SLC25A24: variants seen among roughly 807,000 people sequenced by gnomAD.
The protein encoded by SLC25A24 is mitochondrial adenyl nucleotide antiporter SLC25A24.
Under a neutral mutation model 60.7 loss-of-function variants are expected in SLC25A24, and 49 were observed. The observed-to-expected ratio is 0.81, with a 90% CI of 0.64 to 1.02. The LOEUF is 1.02. SLC25A24 is among the 50% of genes least tolerant of loss of function. The pLI is 0.00. For missense variants in SLC25A24, 564 were observed against 586.3 expected (o/e 0.96, Z 0.39); for synonymous variants, 202 against 200.6 (o/e 1.01, Z -0.06).
chr1:108,161,034 G>T, intron 4 of SLC25A24, 148 bp downstream of exon 4: 1 of 521,626 alleles, frequency 1.9e-6, no homozygotes, highest in Non-Finnish European at 3.4e-6. Flanking sequence ...ATAAATCTAT[G>T]CCTAATAGAA....
At position 108,166,249 on chromosome 1, in the gene SLC25A24, G is replaced by C. The variant is rs1034959899; in HGVS notation, c.399-4956C>G. Among the ~76,000 whole-genome samples the C allele has an allele frequency of 4.3e-3, 658 of 151,966 alleles. 4 individuals are homozygous for C. Among genetic ancestry groups the C allele is most frequent in the African/African-American group, 0.015 (609 of 41,456 alleles). On this transcript the variant is annotated intron_variant, in intron 3 of 9. Transcript: ENST00000565488. ...ACATTTTTTCCTTCATTTCAACTTT[G>C]GTGAATCTGACAATTATGTGTCTTG...
chr1:108,185,959 A>T lies in SLC25A24; in HGVS notation c.184-5T>A, dbSNP rs199557050. 6.0e-6 allele frequency: 9 copies of T among 1,506,544 alleles called. No individual in the cohort carries two copies. In the South Asian group the frequency reaches 1.1e-4, roughly 19 times the overall value. 93.3% of individuals were successfully genotyped at this position (1,506,544 alleles called of 1,614,324 possible). On this transcript the variant is annotated splice_polypyrimidine_tract_variant and splice_region_variant and intron_variant, in intron 1 of 9. Coordinates refer to ENST00000565488, the MANE Select transcript of SLC25A24 (RefSeq NM_013386.5). ...ATCTCCAGTAGTAAAAATTTTCTAT[A>T]AAAAAAAATTAGAGAGAAGTTATTG...
At chr1:108,192,773 T>G in intron 1 of SLC25A24, 2 of 1,329,292 alleles carry the variant, frequency 1.5e-6, no homozygotes, top group Non-Finnish European at 1.9e-6. Context: ...CAATGCACCT[T>G]CATCGGTTAA....
At chr1:108,189,820 A>AC (rs1648282483) in intron 1 of SLC25A24, among the ~76,000 whole-genome samples, 2 of 150,710 alleles carry the variant, frequency 1.3e-5, no homozygotes, top group South Asian at 4.2e-4. Flanking sequence ...ATCTCAAAAA[A>AC]AAAAAAAAGA....
rs377128087 is a variant in SLC25A24, at chr1:108,190,100, T to C, written c.184-4146A>G. Among the ~76,000 whole-genome samples the C allele has an allele frequency of 2.2e-4, 33 of 152,078 alleles. 1 individual carries two copies. Among genetic ancestry groups the C allele is most frequent in the African/African-American group, 5.6e-4 (23 of 41,426 alleles). On this transcript the variant is annotated intron_variant, in intron 1 of 9. Transcript: ENST00000565488. ...AAATCTACTTGGCCCGAGTTTGCTA[T>C]AGCAAGGGAGTCAGACACCCTCACT...
chr1:108,159,056 A>G (rs1679982905), intron 4 of SLC25A24, among the ~76,000 whole-genome samples: 2 of 152,326 alleles, frequency 1.3e-5, no homozygotes, highest in South Asian at 2.1e-4. Context: ...AAACTCCTTC[A>G]GAGAGTTCCT....
At chr1:108,151,646 T>C (rs1264184571) in intron 6 of SLC25A24, among the ~76,000 whole-genome samples, 2 of 152,226 alleles carry the variant, frequency 1.3e-5, no homozygotes, top group Non-Finnish European at 2.9e-5. Context: ...AGAATTCTTC[T>C]CATTTATAAG....
In SLC25A24 at chr1:108,181,923, C is replaced by T. The variant is rs369291333; in HGVS notation, c.398+18G>A. 5 of 1,569,728 alleles carry T rather than the reference C, an allele frequency of 3.2e-6. No homozygotes were observed. The highest frequency in any genetic ancestry group is 1.4e-5 in the African/African-American group (1 of 73,750). On this transcript the variant is annotated intron_variant, in intron 3 of 9. Coordinates refer to ENST00000565488, the MANE Select transcript of SLC25A24 (RefSeq NM_013386.5). ...TATTAAAGTGAAAGTCAATTGTTGA[C>T]CAACATGAAGAGCTTACCTTTGAAG... is the stretch of plus-strand genomic sequence containing the variant.
intron 6 of SLC25A24, among the ~76,000 whole-genome samples, chr1:108,150,425 G>T (rs1679725214): frequency 2.6e-5 from 4 of 152,134 alleles, no homozygotes; most frequent in Admixed American, 2.6e-4. Context: ...CCTTCCTAAA[G>T]GAGACTTAAC....
intron 3 of SLC25A24, among the ~76,000 whole-genome samples, chr1:108,180,215 A>AAG (rs1417649845): frequency 6.6e-6 from 1 of 151,800 alleles, no homozygotes; most frequent in Non-Finnish European, 1.5e-5. Flanking sequence ...AATAAAAAAA[A>AAG]ATAGCCAGGC....
rs770145333 is a variant in SLC25A24 at position 108,148,360 on chromosome 1, T to C, written c.849A>G (p.Gly283=). The part of the protein sequence containing the change: ...EQYKKLLTEE[G]QKIGTFERFI... Reference sequence around the variant, plus strand: ...ATCTCTCAAATGTTCCTATTTTTTGTCCTTCTTCAGTAAGTAACTTCTTGT... The same window carrying C: ...ATCTCTCAAATGTTCCTATTTTTTGCCCTTCTTCAGTAAGTAACTTCTTGT... Residue 283 remains glycine (G), a synonymous_variant, in exon 7 of 10, where the codon GGA becomes GGG. Coordinates refer to ENST00000565488, the MANE Select transcript of SLC25A24 (RefSeq NM_013386.5). 2 of 1,611,754 alleles carry C rather than the reference T, an allele frequency of 1.2e-6. No homozygotes were observed. Among genetic ancestry groups the C allele is most frequent in the East Asian group, 2.2e-5 (1 of 44,874 alleles).
At chr1:108,180,844 A>T (rs1647900599) in intron 3 of SLC25A24, among the ~76,000 whole-genome samples, 1 of 152,196 alleles carries the variant, frequency 6.6e-6, no homozygotes, top group Non-Finnish European at 1.5e-5. Context: ...CAGCTAAGCT[A>T]ATACTTCTTA....
chr1:108,143,599 CATAGCCTTTGTAAA>C lies in SLC25A24; in HGVS notation c.1028_1041del (p.Phe343CysfsTer19). The C allele has an allele frequency of 6.2e-7, 1 of 1,613,810 alleles. No homozygotes were observed. Among genetic ancestry groups the C allele is most frequent in the Non-Finnish European group, 8.5e-7 (1 of 1,179,790 alleles). On this transcript the variant is annotated frameshift_variant, in exon 8 of 10. Coordinates refer to ENST00000565488, the MANE Select transcript of SLC25A24 (RefSeq NM_013386.5). LOFTEE classifies it high-confidence loss of function. ...GGTATGATACCTAATAAATTGGGAA[CATAGCCTTTGTAAA>C]AAGCTCCCAAGCCTTCATGTTTCAA...
At chr1:108,198,865 ATGG>A (rs1648577137) in intron 1 of SLC25A24, 1 of 152,258 alleles carries the variant, frequency 6.6e-6, no homozygotes, top group African/African-American at 2.4e-5. Context: ...ATGATTGGAC[ATGG>A]TGGGGAACTC....
chr1:108,137,352 A>G (rs925319468), intron 9 of SLC25A24, among the ~76,000 whole-genome samples: 1 of 152,158 alleles, frequency 6.6e-6, no homozygotes, highest in African/African-American at 2.4e-5. Flanking sequence ...GAAGCTTGGG[A>G]AAAAGCACAA....
At chr1:108,167,523 C>T (rs10430096) in intron 3 of SLC25A24, among the ~76,000 whole-genome samples, 76,965 of 151,706 alleles carry the variant, frequency 0.51, 20,062 homozygotes, top group African/African-American at 0.63. Context: ...GTCAGAAAAG[C>T]GCAGTATTCA....
intron 1 of SLC25A24, among the ~76,000 whole-genome samples, chr1:108,186,448 C>T (rs1360437352): frequency 5.3e-5 from 8 of 151,920 alleles, no homozygotes; most frequent in Non-Finnish European, 8.8e-5. Flanking sequence ...ATACTAGCTA[C>T]TTGGAGGCTG....
In SLC25A24 at chr1:108,136,936, A is replaced by G. The variant is rs1240773474; in HGVS notation, c.1250-99T>C. 4 of 1,126,880 alleles carry G rather than the reference A, an allele frequency of 3.5e-6. No homozygotes were observed. In the Admixed American group the frequency reaches 9.4e-5, roughly 26 times the overall value. 69.8% of individuals were successfully genotyped at this position (1,126,880 alleles called of 1,614,324 possible). A position where few individuals can be genotyped will look rare whatever the true frequency, so the allele number is the denominator to read the frequency against. ...CAGAATGATATTCTAAAATACAGTA[A>G]AAGGACAACATTTATTCCAAGAAGC... On this transcript the variant is annotated intron_variant, in intron 9 of 9. Transcript: ENST00000565488.
At chr1:108,138,984 T>C (rs1571275035) in intron 9 of SLC25A24, 74 bp downstream of exon 9, 2 of 1,349,074 alleles carry the variant, frequency 1.5e-6, no homozygotes, top group Non-Finnish European at 2.0e-6. Flanking sequence ...TGCATCTTAG[T>C]AGAACTTGGA....
Sources: gnomAD v4.1 joint callset for allele counts (sites outside exome capture counted in the v4.1 genomes callset) on GRCh38, gnomAD v4.1.1 for gene constraint, MANE v1.5 for transcripts, NCBI Gene and HGNC (gene_info 2026-07-23, HGNC 2026-07-21) for gene names.